PTCHD4: variants seen among roughly 807,000 people sequenced by gnomAD.
PTCHD4 encodes patched domain-containing protein 4.
In PTCHD4, 33 loss-of-function variants were observed where a neutral mutation model predicts 58.1. The ratio of observed to expected loss-of-function variants is 0.57; its 90% confidence interval spans 0.43 to 0.76. The LOEUF (loss-of-function observed/expected upper bound fraction) is 0.76, where lower values mean the gene tolerates loss of function less well. PTCHD4 is among the 30% of genes least tolerant of loss of function. PTCHD4 has a pLI of 0.00. For synonymous variants in PTCHD4, 478 were observed against 409.6 expected (o/e 1.17, Z -2.02); for missense variants, 1,058 against 1,027.1 (o/e 1.03, Z -0.41).
At chr6:48,063,069 C>A (rs186936973) in intron 3 of PTCHD4, among the ~76,000 whole-genome samples, 3 of 152,152 alleles carry the variant, frequency 2.0e-5, no homozygotes, top group Non-Finnish European at 4.4e-5. Context: ...ATTGTGCTAT[C>A]CCATAAATTT....
chr6:48,066,163 A>C (rs1764788953), intron 3 of PTCHD4, among the ~76,000 whole-genome samples: 2 of 151,728 alleles, frequency 1.3e-5, no homozygotes, highest in South Asian at 2.1e-4. Flanking sequence ...AAGCCTCACG[A>C]GAGTGAGAAC....
chr6:48,082,264 T>G (rs868696265), intron 1 of PTCHD4, among the ~76,000 whole-genome samples: 1 of 152,302 alleles, frequency 6.6e-6, no homozygotes, highest in Middle Eastern at 3.4e-3. Context: ...AGAAAAAATG[T>G]GGCTTATGAA....
At chr6:47,995,570 T>C (rs1768455733) in intron 4 of PTCHD4, among the ~76,000 whole-genome samples, 1 of 152,230 alleles carries the variant, frequency 6.6e-6, no homozygotes, top group South Asian at 2.1e-4. Context: ...GTTGAGAGTT[T>C]GGTTTGCCAC....
chr6:47,960,667 C>T (rs1435659421), intron 4 of PTCHD4, among the ~76,000 whole-genome samples: 1 of 151,434 alleles, frequency 6.6e-6, no homozygotes, highest in Non-Finnish European at 1.5e-5. Context: ...CATAATAATC[C>T]TCCTAATAAT....
At chr6:47,999,283 A>C (rs12525291) in intron 4 of PTCHD4, among the ~76,000 whole-genome samples, 1 of 152,216 alleles carries the variant, frequency 6.6e-6, no homozygotes, top group Non-Finnish European at 1.5e-5. Context: ...CTAAGCCTCT[A>C]AGCATAAGCA....
At chr6:47,987,777 A>G (rs1768127775) in intron 4 of PTCHD4, among the ~76,000 whole-genome samples, 1 of 150,938 alleles carries the variant, frequency 6.6e-6, no homozygotes, top group Non-Finnish European at 1.5e-5. Flanking sequence ...CAGTCACATA[A>G]CATTTTTTTT....
At chr6:48,032,424 G>A (rs979776556) in intron 3 of PTCHD4, among the ~76,000 whole-genome samples, 10 of 151,456 alleles carry the variant, frequency 6.6e-5, no homozygotes, top group Admixed American at 1.3e-4. Flanking sequence ...CTGTGTATGC[G>A]TGTGTGTGTG....
At chr6:48,029,717 A>T (rs1376428442) in intron 3 of PTCHD4, among the ~76,000 whole-genome samples, 2 of 152,100 alleles carry the variant, frequency 1.3e-5, no homozygotes, top group Non-Finnish European at 1.5e-5. Flanking sequence ...AGTTATTTGC[A>T]TAAGTTCAAA....
chr6:48,090,046 A>G (rs1765334699), intron 1 of PTCHD4, among the ~76,000 whole-genome samples: 1 of 152,190 alleles, frequency 6.6e-6, no homozygotes, highest in African/African-American at 2.4e-5. Context: ...CCTTATCACT[A>G]GATGTAGACT....
At chr6:48,033,410 C>T (rs1763519355) in intron 3 of PTCHD4, among the ~76,000 whole-genome samples, 2 of 151,534 alleles carry the variant, frequency 1.3e-5, no homozygotes, top group Admixed American at 1.3e-4. Context: ...TAAGACCAAC[C>T]ATGTGAGCAT....
chr6:47,891,746 C>G (rs77418327), intron 4 of PTCHD4, among the ~76,000 whole-genome samples: 1,856 of 151,900 alleles, frequency 0.012, 43 homozygotes, highest in African/African-American at 0.043. Context: ...CTCCATGGTC[C>G]CCGATGGCGT....
intron 4 of PTCHD4, among the ~76,000 whole-genome samples, chr6:47,971,116 G>C (rs573603569): frequency 2.6e-5 from 4 of 152,244 alleles, no homozygotes; most frequent in Admixed American, 2.0e-4. Flanking sequence ...TTTTCGAGGA[G>C]AGCCTTGAAG....
intron 4 of PTCHD4, among the ~76,000 whole-genome samples, chr6:47,890,462 C>T (rs1230378129): frequency 6.6e-6 from 1 of 152,114 alleles, no homozygotes; most frequent in Non-Finnish European, 1.5e-5. Flanking sequence ...TTGTAAGCCT[C>T]CACGTATCTG....
At chr6:47,976,231 G>A (rs893347993) in intron 4 of PTCHD4, among the ~76,000 whole-genome samples, 1 of 152,136 alleles carries the variant, frequency 6.6e-6, no homozygotes, top group African/African-American at 2.4e-5. Flanking sequence ...TATCTTTCCA[G>A]AGAGAAAGAA....
At position 48,009,026 on chromosome 6, in the gene PTCHD4, G is replaced by A. The variant is rs749503301; in HGVS notation, c.506C>T (p.Ala169Val). 3.1e-6 allele frequency: 5 copies of A among 1,613,776 alleles called. No individual in the cohort carries two copies. Among genetic ancestry groups the A allele is most frequent in the Non-Finnish European group, 4.2e-6 (5 of 1,179,890 alleles). ...CTGGAGGTAGTAGGTGATTTGAATG[G>A]CTCTGGCTGACTTGACCCGCTGATC... ...SKDQRVKSAR[A>V]IQITYYLQTY... Residue 169 changes from alanine (A) to valine (V), a missense_variant, in exon 4 of 5, where the codon GCC (alanine) becomes GTC (valine). Coordinates refer to ENST00000339488, the MANE Select transcript of PTCHD4 (RefSeq NM_001384253.1).
chr6:48,073,467 CA>C (rs1403680752), intron 1 of PTCHD4, among the ~76,000 whole-genome samples: 1 of 152,184 alleles, frequency 6.6e-6, no homozygotes, highest in South Asian at 2.1e-4. Context: ...GCAGTATTCA[CA>C]AAAACTCAGT....
rs749018655 is a variant in PTCHD4, at chr6:48,068,538, G to T, written c.109C>A (p.Arg37=). Residue 37 remains arginine, a synonymous_variant, in exon 3 of 5, where the codon CGG becomes AGG. Transcript: ENST00000339488. The surrounding 1 kb of genome is among the most constrained non-coding windows in gnomAD (Gnocchi z 4.2). ...FCHRLGLCVS[R]HPVFFLTVPA... is the part of the protein sequence containing the mutation. Reference sequence around the variant, plus strand: ...ACGGTGAGGAAAAAGACCGGGTGCCGGCTCACGCACAAACCCAGCCTGTGG... The same window carrying T: ...ACGGTGAGGAAAAAGACCGGGTGCCTGCTCACGCACAAACCCAGCCTGTGG... 1 of 1,608,752 alleles carries T rather than the reference G, an allele frequency of 6.2e-7. No individual in the cohort carries two copies. Among genetic ancestry groups the T allele is most frequent in the Non-Finnish European group, 8.5e-7 (1 of 1,178,960 alleles).
intron 4 of PTCHD4, among the ~76,000 whole-genome samples, chr6:47,885,280 G>A (rs1057159524): frequency 6.6e-6 from 1 of 152,130 alleles, no homozygotes; most frequent in African/African-American, 2.4e-5. Flanking sequence ...GGGTGTGTGT[G>A]TGTATTGAGT....
intron 3 of PTCHD4, among the ~76,000 whole-genome samples, chr6:48,045,188 G>A (rs1763991165): frequency 6.6e-6 from 1 of 151,724 alleles, no homozygotes; most frequent in African/African-American, 2.4e-5. Flanking sequence ...AATTGTCCAG[G>A]AGAGACAACT....
Sources: gnomAD v4.1 joint callset for allele counts (sites outside exome capture counted in the v4.1 genomes callset) on GRCh38, gnomAD v4.1.1 for gene constraint, Gnocchi (gnomAD v3.1) non-coding constraint, MANE v1.5 for transcripts, NCBI Gene and HGNC (gene_info 2026-07-23, HGNC 2026-07-21) for gene names.